MGST1: variants seen among roughly 807,000 people sequenced by gnomAD.
MGST1 encodes microsomal glutathione S-transferase 1, also known as glutathione S-transferase 12.
A neutral mutation model predicts 8.9 loss-of-function variants in MGST1; 5 were observed. The observed-to-expected ratio is 0.56, with a 90% CI of 0.29 to 1.19. MGST1 has a LOEUF of 1.19. Ranked by LOEUF, MGST1 falls within the 50% of genes most tolerant of loss-of-function variation. The pLI is 0.08. For synonymous variants in MGST1, 54 were observed against 67.8 expected, an observed-to-expected ratio of 0.80 and a Z score of 1.00; for missense variants, 182 against 187.4, an observed-to-expected ratio of 0.97 and a Z score of 0.17.
intron 1 of MGST1, chr12:16,400,815 T>C (rs1169061733): frequency 8.1e-7 from 1 of 1,236,876 alleles, no homozygotes; most frequent in Non-Finnish European, 1.2e-6. Flanking sequence ...ATTATTACAG[T>C]CTCATATTTC....
At chr12:16,577,873 G>C (rs1188714984) in intron 4 of MGST1, among the ~76,000 whole-genome samples, 1 of 152,068 alleles carries the variant, frequency 6.6e-6, no homozygotes, top group African/African-American at 2.4e-5. Context: ...ACCTAATTAT[G>C]GCTGCCAGAT....
chr12:16,445,850 T>C (rs1941075833), intron 4 of MGST1, among the ~76,000 whole-genome samples: 1 of 151,958 alleles, frequency 6.6e-6, no homozygotes, highest in African/African-American at 2.4e-5. Context: ...ACGACACTAA[T>C]ATCCTTCATA....
chr12:16,427,688 T>A lies in MGST1; in HGVS notation n.779-9700T>A, dbSNP rs140084887. Among the ~76,000 whole-genome samples, 538 of 152,324 alleles carry A rather than the reference T, an allele frequency of 3.5e-3. 2 individuals are homozygous for A. Among genetic ancestry groups the A allele is most frequent in the African/African-American group, 0.012 (502 of 41,560 alleles). On this transcript the variant is annotated intron_variant and non_coding_transcript_variant, in intron 1 of 1. Transcript: ENST00000359720. ...TGAGCCACTGGGCCTGGCCTACATT[T>A]TTTCTTTTCCATTAAAGGATAATAC...
chr12:16,524,513 A>G (rs977305756), intron 4 of MGST1, among the ~76,000 whole-genome samples: 1 of 152,092 alleles, frequency 6.6e-6, no homozygotes, highest in Admixed American at 6.6e-5. Context: ...TATAAAGAGA[A>G]GTTCCCTGGT....
intron 4 of MGST1, among the ~76,000 whole-genome samples, chr12:16,530,011 G>T (rs951291397): frequency 3.3e-5 from 5 of 152,032 alleles, no homozygotes; most frequent in African/African-American, 1.2e-4. Flanking sequence ...ATTCCTGGTT[G>T]TTCTCTCTGT....
chr12:16,471,813 G>A (rs1413256267), intron 4 of MGST1, among the ~76,000 whole-genome samples: 1 of 152,018 alleles, frequency 6.6e-6, no homozygotes, highest in East Asian at 1.9e-4. Context: ...CCAATGTTGT[G>A]GAAAAAATAT....
At chr12:16,464,557 G>A (rs1199695645) in intron 4 of MGST1, among the ~76,000 whole-genome samples, 1 of 152,210 alleles carries the variant, frequency 6.6e-6, no homozygotes, top group East Asian at 1.9e-4. Flanking sequence ...ATTAATTGTT[G>A]AAATCACAGA....
At chr12:16,496,613 A>G (rs1236181235) in intron 4 of MGST1, among the ~76,000 whole-genome samples, 1 of 152,040 alleles carries the variant, frequency 6.6e-6, no homozygotes, top group African/African-American at 2.4e-5. Context: ...TTAGTGTTTC[A>G]ACCCTGGACT....
intron 1 of MGST1, among the ~76,000 whole-genome samples, chr12:16,405,211 C>T (rs1940689801): frequency 6.6e-6 from 1 of 151,902 alleles, no homozygotes; most frequent in Non-Finnish European, 1.5e-5. Flanking sequence ...GACATACACA[C>T]ACAAAAGAAA....
At chr12:16,442,243 A>G (rs1487475811), downstream of MGST1, among the ~76,000 whole-genome samples, 1 of 146,864 alleles carries the variant, frequency 6.8e-6, no homozygotes, top group African/African-American at 2.5e-5. This position sits in a 1 kb window ranked among gnomAD's most constrained non-coding sequence, Gnocchi z 4.5. Context: ...TTTTGCAAAT[A>G]TTTTCTCACA....
chr12:16,547,303 C>A lies in MGST1; in HGVS notation n.483-42225C>A, dbSNP rs1414221295. Among the ~76,000 whole-genome samples the A allele has an allele frequency of 1.3e-5, 2 of 152,112 alleles. No individual in the cohort carries two copies. The highest frequency in any genetic ancestry group is 2.4e-5 in the African/African-American group (1 of 41,414). On this transcript the variant is annotated intron_variant and non_coding_transcript_variant, in intron 4 of 4. Transcript: ENST00000538857. This position sits in a 1 kb window ranked among gnomAD's most constrained non-coding sequence, Gnocchi z 4.6. The stretch of plus-strand genomic sequence containing the variant: ...ATTTATAACCGCTATTTCAACAGAG[C>A]TCTATTGTAATCATAGCAATCTGAG...
At position 16,354,343 on chromosome 12, in the gene MGST1, A is replaced by C. The variant is rs1425098793; in HGVS notation, c.91A>C (p.Ser31Arg). The part of the protein sequence containing the change: ...TIILSKMMLM[S>R]TATAFYRLTR... ...TATTCTTTCAAAAATGATGCTTATG[A>C]GTACTGCAACTGCATTCTATAGATT... Residue 31 changes from serine to arginine, a missense_variant, in exon 2 of 4, where the codon AGT becomes CGT. Transcript: ENST00000396210. The C allele has an allele frequency of 1.2e-6, 2 of 1,608,684 alleles. No individual in the cohort carries two copies. Among genetic ancestry groups the C allele is most frequent in the Non-Finnish European group, 1.7e-6 (2 of 1,178,470 alleles).
chr12:16,454,248 T>C (rs1941151806), intron 4 of MGST1, among the ~76,000 whole-genome samples: 1 of 151,966 alleles, frequency 6.6e-6, no homozygotes, highest in Admixed American at 6.6e-5. Context: ...ATTTAGGAAC[T>C]ATTTTTTCCT....
Position 16,401,549 on chromosome 12 carries a change from C to A in MGST1, n.778+17945C>A. 1.9e-6 allele frequency: 2 copies of A among 1,075,428 alleles called. No individual in the cohort carries two copies. Among genetic ancestry groups the A allele is most frequent in the Non-Finnish European group, 2.9e-6 (2 of 693,972 alleles). 66.6% of individuals were successfully genotyped at this position (1,075,428 alleles called of 1,614,324 possible). Reference sequence around the variant, plus strand: ...TCTTGAACTTCCTGAGGAGGATCAGCCATCAAAGTGCGAACAGGTTGGAGC... The same window carrying A: ...TCTTGAACTTCCTGAGGAGGATCAGACATCAAAGTGCGAACAGGTTGGAGC... On this transcript the variant is annotated intron_variant and non_coding_transcript_variant, in intron 1 of 1. Coordinates refer to the MGST1 transcript ENST00000359720. The surrounding 1 kb of genome is among the most constrained non-coding windows in gnomAD (Gnocchi z 4.3).
chr12:16,592,840 C>A (rs1026995446), downstream of MGST1, among the ~76,000 whole-genome samples: 2 of 151,738 alleles, frequency 1.3e-5, no homozygotes, highest in Admixed American at 6.6e-5. Context: ...ATTTCAAAAT[C>A]TTTTAAAAAC....
chr12:16,578,529 C>T (rs1243816036), intron 4 of MGST1, among the ~76,000 whole-genome samples: 1 of 151,986 alleles, frequency 6.6e-6, no homozygotes, highest in African/African-American at 2.4e-5. Flanking sequence ...AAATAAAAAT[C>T]ACATTAGGCC....
At position 16,363,870 on chromosome 12, in the gene MGST1, C is replaced by T; in HGVS notation, c.297C>T (p.Asp99=). 1.2e-6 allele frequency: 2 copies of T among 1,613,868 alleles called. No homozygotes were observed. The highest frequency in any genetic ancestry group is 1.7e-6 in the Non-Finnish European group (2 of 1,179,856). Reference sequence around the variant, plus strand: ...TCCTGTATTCCTTGAGTGGTCCCGACCCCTCTACAGCCATCCTGCACTTCA... The same window carrying T: ...TCCTGTATTCCTTGAGTGGTCCCGATCCCTCTACAGCCATCCTGCACTTCA... ...IGLLYSLSGP[D]PSTAILHFRL... Residue 99 remains aspartate, a synonymous_variant, in exon 4 of 4, where the codon GAC becomes GAT. Transcript: ENST00000396210. The surrounding 1 kb of genome is among the most constrained non-coding windows in gnomAD (Gnocchi z 4.6).
At chr12:16,490,229 C>T (rs1941430146) in intron 4 of MGST1, among the ~76,000 whole-genome samples, 1 of 152,108 alleles carries the variant, frequency 6.6e-6, no homozygotes, top group Admixed American at 6.6e-5. Context: ...TGCCCCTGCA[C>T]TCCAGCCTGG....
At chr12:16,445,294 C>T (rs999832383) in intron 4 of MGST1, among the ~76,000 whole-genome samples, 1 of 151,766 alleles carries the variant, frequency 6.6e-6, no homozygotes, top group African/African-American at 2.4e-5. Flanking sequence ...TAGCCTTTTG[C>T]TTTGGTGAGA....
Sources: allele counts gnomAD v4.1 joint callset (sites outside exome capture counted in the v4.1 genomes callset), GRCh38; gene constraint gnomAD v4.1.1; non-coding constraint Gnocchi (gnomAD v3.1); transcripts MANE v1.5; gene names NCBI Gene and HGNC (gene_info 2026-07-23, HGNC 2026-07-21).